LIPI: variants seen among roughly 807,000 people sequenced by gnomAD.
LIPI encodes lipase member I.
A neutral mutation model predicts 50.6 loss-of-function variants in LIPI; 59 were observed. That is an observed-to-expected ratio of 1.16 (90% CI 0.94 to 1.45). LIPI has a LOEUF of 1.45. Ranked by LOEUF, LIPI falls within the 40% of genes most tolerant of loss-of-function variation. LIPI has a pLI of 0.00. For synonymous variants in LIPI, 203 were observed against 178.2 expected, an observed-to-expected ratio of 1.14 and a Z score of -1.11; for missense variants, 586 against 536.3, an observed-to-expected ratio of 1.09 and a Z score of -0.92.
intron 6 of LIPI, among the ~76,000 whole-genome samples, chr21:14,164,493 C>T (rs2018607139): frequency 6.6e-6 from 1 of 152,152 alleles, no homozygotes; most frequent in Non-Finnish European, 1.5e-5. Context: ...TTAATTTAGC[C>T]TTTGTAATCA....
chr21:14,206,042 C>A (rs2020217062), intron 1 of LIPI, among the ~76,000 whole-genome samples: 1 of 151,930 alleles, frequency 6.6e-6, no homozygotes, highest in South Asian at 2.1e-4. Flanking sequence ...ATAGAAGCAG[C>A]AAAAATGTTA....
intron 4 of LIPI, among the ~76,000 whole-genome samples, chr21:14,170,600 C>A (rs1442502490): frequency 2.0e-5 from 3 of 152,136 alleles, no homozygotes; most frequent in African/African-American, 4.8e-5. Context: ...AGAAACAGAA[C>A]CAAAGACAAA....
chr21:14,113,491 T>C (rs2016495494), intron 9 of LIPI, among the ~76,000 whole-genome samples: 1 of 152,096 alleles, frequency 6.6e-6, no homozygotes. Context: ...CTATTCAAAA[T>C]AAAATGCAAA....
intron 2 of LIPI, 116 bp from the exon 3 acceptor site, chr21:14,186,185 G>A (rs2019451206): frequency 1.4e-6 from 1 of 703,790 alleles, no homozygotes; most frequent in Admixed American, 2.0e-5. Flanking sequence ...ATTCATTTTG[G>A]GGATATCGGG....
chr21:14,177,587 T>C (rs951917309), intron 4 of LIPI, among the ~76,000 whole-genome samples: 13 of 152,072 alleles, frequency 8.5e-5, no homozygotes, highest in Non-Finnish European at 7.4e-5. Flanking sequence ...TCTTGCTAGA[T>C]ACCCTAAAGA....
chr21:14,141,998 C>T (rs1350666481), intron 9 of LIPI, among the ~76,000 whole-genome samples: 2 of 152,124 alleles, frequency 1.3e-5, no homozygotes, highest in Non-Finnish European at 2.9e-5. Flanking sequence ...TAATTATACT[C>T]CAACTTTACA....
At chr21:14,207,719 G>A (rs1334205606) in intron 1 of LIPI, among the ~76,000 whole-genome samples, 8 of 152,118 alleles carry the variant, frequency 5.3e-5, no homozygotes, top group Non-Finnish European at 1.2e-4. Flanking sequence ...ATTCTCATAT[G>A]GTAGTTCATG....
intron 9 of LIPI, among the ~76,000 whole-genome samples, chr21:14,116,417 G>T (rs1009668518): frequency 6.6e-6 from 1 of 152,132 alleles, no homozygotes; most frequent in African/African-American, 2.4e-5. Flanking sequence ...AATAGGACCC[G>T]GTCTGGTGAA....
chr21:14,123,763 AC>A (rs2016948631), intron 9 of LIPI, among the ~76,000 whole-genome samples: 1 of 152,168 alleles, frequency 6.6e-6, no homozygotes, highest in Non-Finnish European at 1.5e-5. Flanking sequence ...GCAAAGCAGT[AC>A]TAGAGATCAT....
chr21:14,190,812 C>T (rs2019644050), intron 1 of LIPI, among the ~76,000 whole-genome samples: 1 of 152,170 alleles, frequency 6.6e-6, no homozygotes, highest in South Asian at 2.1e-4. Flanking sequence ...CATCCACCTT[C>T]TCACCACCTG....
chr21:14,136,980 C>G (rs576257334), intron 9 of LIPI, among the ~76,000 whole-genome samples: 4 of 152,260 alleles, frequency 2.6e-5, no homozygotes, highest in Admixed American at 2.6e-4. Flanking sequence ...CAAGGTGGTA[C>G]CTCTATGAGT....
intron 4 of LIPI, among the ~76,000 whole-genome samples, chr21:14,181,340 G>C (rs750143084): frequency 1.3e-5 from 2 of 152,146 alleles, no homozygotes; most frequent in Non-Finnish European, 2.9e-5. Context: ...TTCTTTATTT[G>C]TGGCTGAAAT....
chr21:14,183,686 A>G (rs2019352629), intron 3 of LIPI, among the ~76,000 whole-genome samples: 1 of 152,238 alleles, frequency 6.6e-6, no homozygotes, highest in South Asian at 2.1e-4. Context: ...GACACTTCTC[A>G]AAAGAAGACA....
chr21:14,117,099 T>G (rs1296601957), intron 9 of LIPI, among the ~76,000 whole-genome samples: 1 of 152,182 alleles, frequency 6.6e-6, no homozygotes, highest in Non-Finnish European at 1.5e-5. Flanking sequence ...TGGCCGTCCC[T>G]GGTCAGGACA....
intron 4 of LIPI, among the ~76,000 whole-genome samples, chr21:14,168,468 G>C (rs1181496763): frequency 6.6e-6 from 1 of 152,144 alleles, no homozygotes; most frequent in Non-Finnish European, 1.5e-5. Flanking sequence ...CAGAGAGAAA[G>C]GTCGGGTTAC....
intron 1 of LIPI, among the ~76,000 whole-genome samples, chr21:14,197,228 A>G (rs999760282): frequency 3.3e-5 from 5 of 151,988 alleles, no homozygotes; most frequent in African/African-American, 2.4e-5. Flanking sequence ...TTTTATGCCA[A>G]TTGGAATCAT....
chr21:14,210,906 ATTGAGGTTTCTCT>A lies in LIPI; in HGVS notation c.-74_-62del. On this transcript the variant is annotated 5_prime_UTR_variant, in exon 1 of 10. In the 5' UTR this introduces an upstream ATG that the reference lacks. Coordinates refer to ENST00000681601, the MANE Select transcript of LIPI (RefSeq NM_001302998.2). ...CACCAAAAAGGAAATTCCGTAACTCATTGAGGTTTCTCTTTGGTAGGATCATCACAGGCTGGCA... is the reference window on the plus strand; with the variant it reads ...CACCAAAAAGGAAATTCCGTAACTCATTGGTAGGATCATCACAGGCTGGCA... 1 of 1,154,352 alleles carries A rather than the reference ATTGAGGTTTCTCT, an allele frequency of 8.7e-7. No individual in the cohort carries two copies. The highest frequency in any genetic ancestry group is 1.1e-6 in the Non-Finnish European group (1 of 926,966). 71.5% of individuals were successfully genotyped at this position (1,154,352 alleles called of 1,614,324 possible). A position where few individuals can be genotyped will look rare whatever the true frequency, so the allele number is the denominator to read the frequency against.
Position 14,206,904 on chromosome 21 carries a change from T to C in LIPI, c.46+3896A>G, listed in dbSNP as rs773619059. The C allele has an allele frequency of 1.9e-5, 30 of 1,609,808 alleles. No individual in the cohort carries two copies. Among genetic ancestry groups the C allele is most frequent in the Non-Finnish European group, 2.4e-5 (28 of 1,176,488 alleles). ...ACTATATTTTTGGCACAAGTTATTA[T>C]GTAAACATTTGAGCAACATAAATAA... On this transcript the variant is annotated intron_variant, in intron 1 of 9. Transcript: ENST00000681601.
chr21:14,171,167 T>A (rs28829380), intron 4 of LIPI, among the ~76,000 whole-genome samples: 74,878 of 148,826 alleles, frequency 0.5, 19,335 homozygotes, highest in Non-Finnish European at 0.55. Context: ...AGGGATGTGA[T>A]TGACCTCTTC....
Sources: allele counts gnomAD v4.1 joint callset (sites outside exome capture counted in the v4.1 genomes callset), GRCh38; gene constraint gnomAD v4.1.1; transcripts MANE v1.5; gene names NCBI Gene and HGNC (gene_info 2026-07-23, HGNC 2026-07-21).